The following FRMPD4 variants were observed in gnomAD, a reference collection of about 807,000 sequenced individuals.
FRMPD4 encodes the protein FERM and PDZ domain-containing protein 4.
Under a neutral mutation model 94.1 loss-of-function variants are expected in FRMPD4, and 22 were observed. The observed-to-expected ratio is 0.23, with a 90% CI of 0.17 to 0.33. FRMPD4 has a LOEUF of 0.33. Ranked by LOEUF, FRMPD4 falls within the 10% of genes least tolerant of loss-of-function variation. The pLI is 1.00. For missense variants in FRMPD4, 1,111 were observed against 1,339.9 expected, an observed-to-expected ratio of 0.83 and a Z score of 2.67; for synonymous variants, 631 against 548.6, an observed-to-expected ratio of 1.15 and a Z score of -2.10.
At chrX:12,486,820 G>A (rs769709695) in intron 1 of FRMPD4, among the ~76,000 whole-genome samples, 46 of 111,851 alleles carry the variant, frequency 4.1e-4, no homozygotes, top group African/African-American at 1.4e-3. Context: ...ATGTGGGTTA[G>A]GGCAAGGAAT....
chrX:12,071,053 A>T (rs1741337282), intron 3 of FRMPD4, among the ~76,000 whole-genome samples: 1 of 112,054 alleles, frequency 8.9e-6, no homozygotes. Context: ...TGCAGATGAC[A>T]ATAATAAGAT....
chrX:12,250,008 TATTA>T (rs2054011200), intron 1 of FRMPD4, among the ~76,000 whole-genome samples: 1 of 108,380 alleles, frequency 9.2e-6, no homozygotes, highest in South Asian at 4.2e-4. Context: ...TGGGTTTAAT[TATTA>T]ATTATGGTAT....
chrX:12,494,085 C>G (rs2057819993), intron 1 of FRMPD4, among the ~76,000 whole-genome samples: 2 of 112,116 alleles, frequency 1.8e-5, no homozygotes, highest in Non-Finnish European at 3.8e-5. Flanking sequence ...CTTGAGAATG[C>G]TTGGTTTTAT....
intron 3 of FRMPD4, among the ~76,000 whole-genome samples, chrX:12,124,248 C>T (rs1248373028): frequency 1.8e-5 from 2 of 112,268 alleles, no homozygotes; most frequent in African/African-American, 3.2e-5. Flanking sequence ...GCTAACAGAA[C>T]ATTCTGTACA....
intron 3 of FRMPD4, among the ~76,000 whole-genome samples, chrX:12,027,986 C>T (rs1306630423): frequency 8.9e-6 from 1 of 111,997 alleles, no homozygotes; most frequent in Non-Finnish European, 1.9e-5. Flanking sequence ...ATAAAGGATG[C>T]GTTCGTTTTC....
intron 3 of FRMPD4, among the ~76,000 whole-genome samples, chrX:12,121,115 T>C (rs986985482): frequency 5.5e-5 from 6 of 109,047 alleles, no homozygotes; most frequent in African/African-American, 2.0e-4. Context: ...CTACTACTAA[T>C]AATAATTTAT....
intron 1 of FRMPD4, among the ~76,000 whole-genome samples, chrX:12,297,495 C>T (rs776705523): frequency 1.5e-4 from 17 of 110,741 alleles, no homozygotes; most frequent in South Asian, 3.8e-4. Context: ...TGGGAAAGAA[C>T]GGAATTGTGG....
chrX:12,420,461 C>T (rs2056868084), intron 1 of FRMPD4, among the ~76,000 whole-genome samples: 1 of 111,791 alleles, frequency 8.9e-6, no homozygotes, highest in Admixed American at 9.5e-5. Context: ...AACACTTGTC[C>T]CCTCCACCTC....
chrX:12,366,089 G>A (rs190302111), intron 1 of FRMPD4, among the ~76,000 whole-genome samples: 1 of 112,273 alleles, frequency 8.9e-6, no homozygotes, highest in African/African-American at 3.2e-5. Context: ...GAGGCAGGAA[G>A]CTGCTGAGTT....
intron 1 of FRMPD4, among the ~76,000 whole-genome samples, chrX:12,343,398 G>T (rs1372145685): frequency 9.0e-6 from 1 of 111,566 alleles, no homozygotes; most frequent in Non-Finnish European, 1.9e-5. Flanking sequence ...CATCCATCTG[G>T]CTGGGCCCAG....
At chrX:12,044,850 TATGGAAATGA>T (rs1362859361) in intron 3 of FRMPD4, among the ~76,000 whole-genome samples, 1 of 112,206 alleles carries the variant, frequency 8.9e-6, no homozygotes, top group African/African-American at 3.2e-5. Flanking sequence ...GAGAAAATGC[TATGGAAATGA>T]AAGTATTCTT....
At chrX:12,217,730 G>A (rs1429928849) in intron 1 of FRMPD4, among the ~76,000 whole-genome samples, 2 of 111,952 alleles carry the variant, frequency 1.8e-5, no homozygotes, top group African/African-American at 3.2e-5. Flanking sequence ...TTATTGGAAC[G>A]CAGTCATGCC....
intron 3 of FRMPD4, among the ~76,000 whole-genome samples, chrX:11,942,980 A>T (rs1473538798): frequency 8.9e-6 from 1 of 112,084 alleles, no homozygotes; most frequent in Non-Finnish European, 1.9e-5. Context: ...TCTATTTTTT[A>T]AAAGGAGAAA....
At chrX:11,910,078 T>C (rs1378739417) in intron 3 of FRMPD4, among the ~76,000 whole-genome samples, 2 of 112,156 alleles carry the variant, frequency 1.8e-5, no homozygotes, top group African/African-American at 3.2e-5. Flanking sequence ...TCTGCTTACA[T>C]GTTATTATCA....
intron 1 of FRMPD4, among the ~76,000 whole-genome samples, chrX:12,395,245 A>T (rs892780748): frequency 8.9e-6 from 1 of 112,207 alleles, no homozygotes; most frequent in Non-Finnish European, 1.9e-5. Context: ...TGTGAACTGT[A>T]AGGCAGCTAG....
intron 3 of FRMPD4, among the ~76,000 whole-genome samples, chrX:11,943,066 TC>T (rs1463195486): frequency 8.9e-6 from 1 of 112,064 alleles, no homozygotes; most frequent in African/African-American, 3.2e-5. Context: ...AGTAGACCTT[TC>T]CTTCTGCAAG....
At chrX:12,676,661 C>G (rs921866965) in intron 5 of FRMPD4, among the ~76,000 whole-genome samples, 1 of 112,394 alleles carries the variant, frequency 8.9e-6, no homozygotes, top group African/African-American at 3.2e-5. Flanking sequence ...ATGGTTGTGT[C>G]TTGTGGCTTT....
intron 3 of FRMPD4, among the ~76,000 whole-genome samples, chrX:12,059,736 A>C (rs1569150979): frequency 9.0e-6 from 1 of 111,135 alleles, no homozygotes. Context: ...GCATTAAATC[A>C]TGGAGGATAA....
intron 1 of FRMPD4, among the ~76,000 whole-genome samples, chrX:12,214,610 T>C (rs2056786485): frequency 8.9e-6 from 1 of 112,648 alleles, no homozygotes; most frequent in Non-Finnish European, 1.9e-5. Context: ...GAGAATTCTT[T>C]CTCCACCTTT....
Sources: allele counts gnomAD v4.1 joint callset (sites outside exome capture counted in the v4.1 genomes callset), GRCh38; gene constraint gnomAD v4.1.1; transcripts MANE v1.5; gene names NCBI Gene and HGNC (gene_info 2026-07-23, HGNC 2026-07-21).